SLX4: variants seen among roughly 807,000 people sequenced by gnomAD.
SLX4 encodes structure-specific endonuclease subunit SLX4.
SLX4 carries 112 observed loss-of-function variants against 146.2 expected under a neutral mutation model. The observed-to-expected ratio is 0.77, with a 90% CI of 0.66 to 0.90. The LOEUF is 0.90. Among genes scored for constraint, SLX4 ranks in the 40% least tolerant of loss-of-function variants. SLX4 has a pLI of 0.00. For missense variants in SLX4, 2,563 were observed against 2,392.7 expected, an observed-to-expected ratio of 1.07 and a Z score of -1.49; for synonymous variants, 1,061 against 997.7, an observed-to-expected ratio of 1.06 and a Z score of -1.20.
chr16:3,592,662 C>T (rs1321833106), intron 11 of SLX4, 37 bp downstream of exon 11: 13 of 1,601,220 alleles, frequency 8.1e-6, no homozygotes, highest in Admixed American at 1.7e-5. Context: ...TGCCAGTCCT[C>T]GTCAGTTAAT....
chr16:3,601,448 G>C (rs890668984), intron 4 of SLX4: 5 of 516,566 alleles, frequency 9.7e-6, no homozygotes, highest in African/African-American at 1.9e-5. Context: ...CCACTCCTAA[G>C]TAGAGACCCC....
intron 14 of SLX4, 32 bp downstream of exon 14, chr16:3,583,065 G>A (rs374109750): frequency 3.2e-5 from 52 of 1,613,870 alleles, no homozygotes; most frequent in Non-Finnish European, 4.1e-5. Context: ...GGATACATGA[G>A]GCCACTGACC....
chr16:3,597,842 G>A lies in SLX4; in HGVS notation c.1321C>T (p.Leu441Phe), dbSNP rs768483565. 5.0e-6 allele frequency: 8 copies of A among 1,614,006 alleles called. No individual in the cohort carries two copies. In the East Asian group the frequency reaches 1.8e-4, roughly 36 times the overall value. ...TCAGAAAAGGCACTTTCCAGCCTGAGCGCTGGTACAGCCGCACCCGGCTCC... is the reference window on the plus strand; with the variant it reads ...TCAGAAAAGGCACTTTCCAGCCTGAACGCTGGTACAGCCGCACCCGGCTCC... ...EMEPGAAVPALRLESAFSERI... is the reference protein window; with the variant it reads ...EMEPGAAVPAFRLESAFSERI... The change falls in exon 6 of 15, where the codon CTC becomes TTC. Residue 441 changes from leucine to phenylalanine, a missense_variant. Coordinates refer to ENST00000294008, the MANE Select transcript of SLX4 (RefSeq NM_032444.4). The surrounding 1 kb of genome is among the most constrained non-coding windows in gnomAD (Gnocchi z 4.4).
At chr16:3,598,865 C>G (rs2040696809) in intron 5 of SLX4, among the ~76,000 whole-genome samples, 1 of 152,216 alleles carries the variant, frequency 6.6e-6, no homozygotes, top group Non-Finnish European at 1.5e-5. Context: ...TCCCTCCTCA[C>G]TCCCCAGCAG....
intron 12 of SLX4, among the ~76,000 whole-genome samples, chr16:3,585,338 G>A (rs1014570325): frequency 1.3e-5 from 2 of 152,150 alleles, no homozygotes; most frequent in African/African-American, 2.4e-5. Context: ...TGTAATCCCA[G>A]CACTTTGGGA....
chr16:3,595,920 G>A (rs765958537), intron 8 of SLX4, among the ~76,000 whole-genome samples: 5 of 152,228 alleles, frequency 3.3e-5, no homozygotes, highest in Non-Finnish European at 7.3e-5. Context: ...GGATTCACTC[G>A]CTGTGGGCAG....
chr16:3,601,782 T>G, intron 4 of SLX4: 3 of 352,846 alleles, frequency 8.5e-6, no homozygotes, highest in Non-Finnish European at 1.6e-5. Context: ...AGAATGTTGA[T>G]TAGTGGTTGT....
chr16:3,596,419 A>C, intron 7 of SLX4, 26 bp from the exon 8 acceptor site: 2 of 1,572,206 alleles, frequency 1.3e-6, no homozygotes, highest in Non-Finnish European at 1.7e-6. Context: ...AAGGAGAGTG[A>C]CCACGTGGTC....
Position 3,591,321 on chromosome 16 carries a change from A to G in SLX4, c.2328-11T>C, listed in dbSNP as rs1390856264. 5.0e-6 allele frequency: 8 copies of G among 1,609,140 alleles called. No individual in the cohort carries two copies. The highest frequency in any genetic ancestry group is 4.4e-5 in the South Asian group (4 of 91,076). On this transcript the variant is annotated splice_polypyrimidine_tract_variant and intron_variant, in intron 11 of 14. Coordinates refer to ENST00000294008, the MANE Select transcript of SLX4 (RefSeq NM_032444.4). ...TCACTCACGCCAAACCTGCAACACG[A>G]AACATCGACAGTCATCGCCCCTCTG...
At position 3,590,776 on chromosome 16, in the gene SLX4, G is replaced by A. The variant is rs374738171; in HGVS notation, c.2862C>T (p.Gly954=). 1.2e-6 allele frequency: 2 copies of A among 1,613,846 alleles called. No homozygotes were observed. The highest frequency in any genetic ancestry group is 1.1e-5 in the South Asian group (1 of 91,090). The change falls in exon 12 of 15, where the codon GGC becomes GGT. Residue 954 remains glycine, a synonymous_variant. Transcript: ENST00000294008. The surrounding 1 kb of genome is among the most constrained non-coding windows in gnomAD (Gnocchi z 4.8). The stretch of plus-strand genomic sequence containing the variant: ...TGGAAGGGCTGGAGCAGCTGGAATG[G>A]CCAAGCGCCTCCTCTGGCGCCTCCT... ...PEQEAPEEAL[G]HSSCSSPSRD...
intron 12 of SLX4, 138 bp downstream of exon 12, chr16:3,588,864 A>G: frequency 3.8e-6 from 4 of 1,055,118 alleles, no homozygotes; most frequent in Non-Finnish European, 5.8e-6. Flanking sequence ...GGGAGTCTGG[A>G]AGGCAGCGGA....
chr16:3,583,348 G>A lies in SLX4; in HGVS notation c.4902C>T (p.Tyr1634=), dbSNP rs749720194. The change falls in exon 14 of 15, where the codon TAC becomes TAT. Residue 1634 remains tyrosine (Y), a synonymous_variant. Coordinates refer to ENST00000294008, the MANE Select transcript of SLX4 (RefSeq NM_032444.4). The part of the protein sequence containing the change: ...PHCQTLASQT[Y]KPSRAGVHAQ... ...CATGGACCCCTGCCCTTGAAGGCTT[G>A]TAGGTCTGGGAGGCGAGGGTCTGGC... 4.3e-6 allele frequency: 7 copies of A among 1,613,696 alleles called. No individual in the cohort carries two copies. The highest frequency in any genetic ancestry group is 3.3e-5 in the South Asian group (3 of 91,080).
chr16:3,583,154 G>A lies in SLX4; in HGVS notation c.5096C>T (p.Ser1699Phe), dbSNP rs184699331. ...GLNDDAQIPA[S>F]QESVATSVDG... ...CACAGAGGTGGCCACGGATTCTTGA[G>A]AGGCTGGGATCTGGGCGTCATCATT... The change falls in exon 14 of 15, where the codon TCT becomes TTT. Residue 1699 changes from serine (S) to phenylalanine (F), a missense_variant. Transcript: ENST00000294008. 2 of 1,614,276 alleles carry A rather than the reference G, an allele frequency of 1.2e-6. No homozygotes were observed. The highest frequency in any genetic ancestry group is 1.3e-5 in the African/African-American group (1 of 75,078).
rs745886810 is a variant in SLX4 at position 3,608,715 on chromosome 16, T to C, written c.250A>G (p.Thr84Ala). Residue 84 changes from threonine (T) to alanine (A), a missense_variant, in exon 2 of 15, where the codon ACT becomes GCT. Coordinates refer to ENST00000294008, the MANE Select transcript of SLX4 (RefSeq NM_032444.4). ...RKTQKAASNGTQIRSKLKRTK... is the reference protein window; with the variant it reads ...RKTQKAASNGAQIRSKLKRTK... ...CTTTTCAATTTGCTTCTTATCTGAG[T>C]GCCGTTTGAGGCAGCCTTTTGTGTC... is the stretch of plus-strand genomic sequence containing the variant. 6.2e-7 allele frequency: 1 copy of C among 1,614,250 alleles called. No homozygotes were observed. Among genetic ancestry groups the C allele is most frequent in the Non-Finnish European group, 8.5e-7 (1 of 1,180,050 alleles).
rs2040543369 is a variant in SLX4 at position 3,589,174 on chromosome 16, C to G, written c.4464G>C (p.Leu1488Phe). ...AGCCCGCGCCCGAGGACTTCTCTTG[C>G]AATTTCCTCTGGGTAGTGCAGCTTC... ...IRGSCTTQRK[L>F]QEKSSGAGSL... The change falls in exon 12 of 15, where the codon TTG (leucine) becomes TTC (phenylalanine). Residue 1488 changes from leucine to phenylalanine, a missense_variant. Physicochemically the swap from Leu to Phe is conservative, Grantham distance 22. Transcript: ENST00000294008. This position sits in a 1 kb window ranked among gnomAD's most constrained non-coding sequence, Gnocchi z 6.2. 1.2e-6 allele frequency: 2 copies of G among 1,614,198 alleles called. No homozygotes were observed. The highest frequency in any genetic ancestry group is 1.6e-4 in the Middle Eastern group (1 of 6,062).
In SLX4 at chr16:3,583,319, T is replaced by C. The variant is rs2151116778; in HGVS notation, c.4931A>G (p.Gln1644Arg). Residue 1644 changes from glutamine to arginine, a missense_variant, in exon 14 of 15, where the codon CAG (glutamine) becomes CGG (arginine). Gln to Arg is a conservative substitution (Grantham distance 43, BLOSUM62 1). Coordinates refer to ENST00000294008, the MANE Select transcript of SLX4 (RefSeq NM_032444.4). The stretch of plus-strand genomic sequence containing the variant: ...CCCAGGTCCTGTGGTGGCCTCCTGC[T>C]GGGCATGGACCCCTGCCCTTGAAGG... ...YKPSRAGVHAQQEATTGPGAH... is the reference protein window; with the variant it reads ...YKPSRAGVHARQEATTGPGAH... The C allele has an allele frequency of 2.5e-6, 4 of 1,614,122 alleles. No homozygotes were observed. Among genetic ancestry groups the C allele is most frequent in the Non-Finnish European group, 2.5e-6 (3 of 1,180,004 alleles).
intron 4 of SLX4, 146 bp downstream of exon 4, chr16:3,601,972 G>A (rs766575280): frequency 2.3e-5 from 20 of 869,964 alleles, no homozygotes; most frequent in Middle Eastern, 6.6e-4. Flanking sequence ...GTATCTCAAC[G>A]AAGTTATTTT....
chr16:3,607,829 C>A (rs961989529), intron 2 of SLX4, among the ~76,000 whole-genome samples: 1 of 152,212 alleles, frequency 6.6e-6, no homozygotes, highest in Non-Finnish European at 1.5e-5. Context: ...GCAGCCTATC[C>A]AAATTGGCTG....
Position 3,597,531 on chromosome 16 carries a change from C to T in SLX4, c.1531G>A (p.Glu511Lys). The change falls in exon 7 of 15, where the codon GAA becomes AAA. Residue 511 changes from glutamate to lysine, a missense_variant. Glu to Lys is a moderately conservative substitution (Grantham distance 56). Transcript: ENST00000294008. The surrounding 1 kb of genome is among the most constrained non-coding windows in gnomAD (Gnocchi z 4.4). ...CACTGGCCCGCTCTTTCCCACCCTT[C>T]CTTTAAAATCCTGCTGGCAGGAAGT... ...PPLPASRILK[E>K]GWERAGQCPP... The T allele has an allele frequency of 6.2e-7, 1 of 1,614,054 alleles. No homozygotes were observed. The highest frequency in any genetic ancestry group is 2.2e-5 in the East Asian group (1 of 44,878).
Sources: allele counts gnomAD v4.1 joint callset (sites outside exome capture counted in the v4.1 genomes callset), GRCh38; gene constraint gnomAD v4.1.1; non-coding constraint Gnocchi (gnomAD v3.1); transcripts MANE v1.5; gene names NCBI Gene and HGNC (gene_info 2026-07-23, HGNC 2026-07-21).